Variants in ADGRV1 observed in about 807,000 individuals in gnomAD.
The protein encoded by ADGRV1 is adhesion G protein-coupled receptor V1.
ADGRV1 carries 359 observed loss-of-function variants against 596.2 expected under a neutral mutation model. The observed-to-expected ratio is 0.60, with a 90% CI of 0.55 to 0.66. The LOEUF (loss-of-function observed/expected upper bound fraction) is 0.66, where lower values mean the gene tolerates loss of function less well. Among genes scored for constraint, ADGRV1 ranks in the 30% least tolerant of loss-of-function variants. The pLI is 0.00. For missense variants in ADGRV1, 7,274 were observed against 7,575.6 expected (o/e 0.96, Z 1.48); for synonymous variants, 2,681 against 2,679.2 (o/e 1.00, Z -0.02).
chr5:91,112,785 C>T (rs1265561812), intron 87 of ADGRV1, among the ~76,000 whole-genome samples: 1 of 152,086 alleles, frequency 6.6e-6, no homozygotes, highest in East Asian at 1.9e-4. Context: ...TGTCAAGCAA[C>T]CTCTATTTTA....
intron 76 of ADGRV1, among the ~76,000 whole-genome samples, chr5:90,827,172 G>A (rs80182695): frequency 0.047 from 7,094 of 152,094 alleles, 582 homozygotes; most frequent in African/African-American, 0.16. Context: ...ACTAGTTAGG[G>A]CAAAAGATCA....
chr5:90,725,358 T>A (rs1252662542), intron 47 of ADGRV1, 126 bp downstream of exon 47: 1 of 732,620 alleles, frequency 1.4e-6, no homozygotes, highest in Non-Finnish European at 2.2e-6. Context: ...TGTGAGTTGA[T>A]ATACATTTTA....
chr5:90,875,254 C>T (rs1013850261), intron 83 of ADGRV1, among the ~76,000 whole-genome samples: 2 of 152,182 alleles, frequency 1.3e-5, no homozygotes, highest in Non-Finnish European at 2.9e-5. Flanking sequence ...TAGTGATCTA[C>T]ATCTTTTATA....
At chr5:91,018,246 A>G (rs1263788817) in intron 85 of ADGRV1, among the ~76,000 whole-genome samples, 10 of 151,908 alleles carry the variant, frequency 6.6e-5, no homozygotes, top group Non-Finnish European at 1.5e-4. Flanking sequence ...CTAGACTGCA[A>G]TTCTCCCTGC....
chr5:91,085,450 G>T (rs946113234), intron 86 of ADGRV1, among the ~76,000 whole-genome samples: 2 of 152,126 alleles, frequency 1.3e-5, no homozygotes, highest in Non-Finnish European at 2.9e-5. Context: ...CTTTGAAACA[G>T]ATTCTACTGC....
intron 1 of ADGRV1, among the ~76,000 whole-genome samples, chr5:90,588,856 A>C (rs1298860759): frequency 2.0e-5 from 3 of 152,238 alleles, no homozygotes; most frequent in African/African-American, 7.2e-5. Context: ...AGTCCAAGTG[A>C]GAAGTTGAAG....
chr5:91,085,618 A>T (rs1327850987), intron 86 of ADGRV1, among the ~76,000 whole-genome samples: 1 of 152,162 alleles, frequency 6.6e-6, no homozygotes, highest in Non-Finnish European at 1.5e-5. Flanking sequence ...ATGAGAAAGT[A>T]AGTAGCTCAT....
intron 83 of ADGRV1, among the ~76,000 whole-genome samples, chr5:90,921,279 GTTTT>G (rs948394916): frequency 2.6e-5 from 4 of 151,846 alleles, no homozygotes; most frequent in Admixed American, 2.6e-4. Context: ...CCTATTTTTT[GTTTT>G]TTGTTTCATC....
At chr5:90,779,874 T>C (rs1758653445) in intron 64 of ADGRV1, 1 of 152,194 alleles carries the variant, frequency 6.6e-6, no homozygotes, top group Non-Finnish European at 1.5e-5. Context: ...GCCTTTGTAA[T>C]GTGAATATCA....
intron 67 of ADGRV1, among the ~76,000 whole-genome samples, chr5:90,785,294 TAAAAACCC>T (rs562934758): frequency 0.019 from 2,902 of 152,194 alleles, 98 homozygotes; most frequent in African/African-American, 0.067. Flanking sequence ...CCTAAAACCA[TAAAAACCC>T]TAGGAGAAAA....
At chr5:90,645,213 G>A (rs545587836) in intron 15 of ADGRV1, among the ~76,000 whole-genome samples, 59 of 152,274 alleles carry the variant, frequency 3.9e-4, no homozygotes, top group African/African-American at 1.3e-3. Context: ...CGGGACACGG[G>A]GTCGCATGAG....
At chr5:90,930,173 A>G (rs185739175) in intron 83 of ADGRV1, among the ~76,000 whole-genome samples, 3 of 152,320 alleles carry the variant, frequency 2.0e-5, no homozygotes, top group Admixed American at 2.0e-4. Context: ...AGGACAGATT[A>G]TGCTGTGATT....
intron 85 of ADGRV1, among the ~76,000 whole-genome samples, chr5:91,011,242 TTGTTAA>T (rs1782695744): frequency 6.6e-6 from 1 of 151,992 alleles, no homozygotes; most frequent in Admixed American, 6.6e-5. Context: ...ATCCAACTTC[TTGTTAA>T]TGTTTATGGT....
chr5:91,156,180 C>T (rs1562291330), intron 89 of ADGRV1, among the ~76,000 whole-genome samples: 1 of 151,800 alleles, frequency 6.6e-6, no homozygotes, highest in African/African-American at 2.4e-5. Flanking sequence ...TGCATCAGCA[C>T]AGAGATGATA....
intron 83 of ADGRV1, among the ~76,000 whole-genome samples, chr5:90,921,052 C>A (rs138667508): frequency 6.6e-6 from 1 of 152,168 alleles, no homozygotes; most frequent in Non-Finnish European, 1.5e-5. Context: ...CAACAAATTT[C>A]AAGTTCCCTA....
At chr5:90,741,075 A>G (rs963838798) in intron 50 of ADGRV1, among the ~76,000 whole-genome samples, 4 of 152,048 alleles carry the variant, frequency 2.6e-5, no homozygotes, top group Non-Finnish European at 5.9e-5. Context: ...TGCTGATGTC[A>G]TTCTATTTAC....
rs372931099 is a variant in ADGRV1, at chr5:91,150,179, A to T, written c.18582A>T (p.Glu6194Asp). The T allele has an allele frequency of 6.3e-7, 1 of 1,592,152 alleles. No homozygotes were observed. Residue 6194 changes from glutamate (E) to aspartate (D), a missense_variant, in exon 88 of 90, where the codon GAA becomes GAT. Physicochemically the swap from Glu to Asp is conservative, Grantham distance 45. This residue lies in a region of ADGRV1 where 1,874 missense variants were observed against 1,970.2 expected (regional missense o/e 0.95). Coordinates refer to ENST00000405460, the MANE Select transcript of ADGRV1 (RefSeq NM_032119.4). ...GTGGAATGCCTCCTGCTGGAGGGGA[A>T]ATCAGCAAGTCCACCCAGAATCTCA... ...PGSGMPPAGG[E>D]ISKSTQNLIG...
chr5:90,962,148 G>A (rs1008647495), intron 83 of ADGRV1, among the ~76,000 whole-genome samples: 2 of 152,092 alleles, frequency 1.3e-5, no homozygotes, highest in African/African-American at 4.8e-5. Flanking sequence ...TTCTTCCTTC[G>A]TTATTTACTA....
At chr5:91,003,544 A>G (rs1782012593) in intron 85 of ADGRV1, among the ~76,000 whole-genome samples, 1 of 152,198 alleles carries the variant, frequency 6.6e-6, no homozygotes, top group South Asian at 2.1e-4. Flanking sequence ...TTCTAGAAAT[A>G]GAAATGACGA....
Sources: allele counts gnomAD v4.1 joint callset (sites outside exome capture counted in the v4.1 genomes callset), GRCh38; gene constraint gnomAD v4.1.1; regional missense constraint gnomAD v4.1.1; transcripts MANE v1.5; gene names NCBI Gene and HGNC (gene_info 2026-07-23, HGNC 2026-07-21).